The following DEPDC5 variants were observed in gnomAD, a reference collection of about 807,000 sequenced individuals.
DEPDC5 encodes the protein GATOR1 complex protein DEPDC5.
In DEPDC5, 73 loss-of-function variants were observed where a neutral mutation model predicts 217.3. The ratio of observed to expected loss-of-function variants is 0.34; its 90% CI spans 0.28 to 0.41. The LOEUF is 0.41. DEPDC5 is among the 10% of genes least tolerant of loss of function. The probability of loss-of-function intolerance (pLI) is 1.00; values close to 1 mark genes in which losing one functional copy is unlikely to be tolerated. For missense variants in DEPDC5, 1,675 were observed against 2,070.1 expected (o/e 0.81, Z 3.70); for synonymous variants, 733 against 756.7 (o/e 0.97, Z 0.51).
intron 39 of DEPDC5, among the ~76,000 whole-genome samples, chr22:31,897,018 CAGGT>C (rs2093564848): frequency 6.6e-6 from 1 of 151,864 alleles, no homozygotes; most frequent in Non-Finnish European, 1.5e-5. Context: ...TTGGGAGTCT[CAGGT>C]GGGAGAATTG....
intron 31 of DEPDC5, among the ~76,000 whole-genome samples, chr22:31,851,386 G>T (rs577710569): frequency 3.3e-5 from 5 of 152,316 alleles, no homozygotes; most frequent in African/African-American, 1.2e-4. Flanking sequence ...TTTACATGGG[G>T]GTGGGTGAGA....
At chr22:31,784,340 C>T in intron 9 of DEPDC5, 1 of 205,870 alleles carries the variant, frequency 4.9e-6, no homozygotes, top group Non-Finnish European at 9.7e-6. Context: ...TTAAGATGTA[C>T]AAAACAGGCC....
chr22:31,802,370 TC>T (rs1015157566), intron 14 of DEPDC5, among the ~76,000 whole-genome samples: 14 of 152,196 alleles, frequency 9.2e-5, no homozygotes, highest in Middle Eastern at 3.4e-3. Flanking sequence ...TTTCAAGTGA[TC>T]CGCCTGCTTT....
intron 20 of DEPDC5, among the ~76,000 whole-genome samples, chr22:31,812,816 C>T (rs1438868339): frequency 1.3e-5 from 2 of 149,772 alleles, no homozygotes; most frequent in African/African-American, 4.9e-5. Flanking sequence ...TCTCAGCTCA[C>T]CACAACCTCC....
intron 28 of DEPDC5, 65 bp downstream of exon 28, chr22:31,843,277 G>A (rs1289690761): frequency 1.4e-6 from 2 of 1,477,022 alleles, no homozygotes; most frequent in African/African-American, 2.8e-5. Context: ...ACTAAATTGT[G>A]TGTATAGTAC....
intron 24 of DEPDC5, among the ~76,000 whole-genome samples, chr22:31,825,108 G>A (rs113684213): frequency 1.2e-4 from 19 of 152,214 alleles, no homozygotes; most frequent in African/African-American, 4.3e-4. Flanking sequence ...CGCCGAGGAG[G>A]GCTACTCTGG....
At chr22:31,843,018 C>G in intron 27 of DEPDC5, 77 bp from the exon 28 acceptor site, 1 of 1,057,036 alleles carries the variant, frequency 9.5e-7, no homozygotes, top group Non-Finnish European at 1.4e-6. Context: ...TTTTCTGAAT[C>G]TATATGGATG....
At chr22:31,884,788 G>A (rs994357465) in intron 38 of DEPDC5, among the ~76,000 whole-genome samples, 2 of 152,134 alleles carry the variant, frequency 1.3e-5, no homozygotes, top group African/African-American at 4.8e-5. Flanking sequence ...TAGAGGACTG[G>A]ATGTACAGTG....
Position 31,857,474 on chromosome 22 carries a change from A to G in DEPDC5, c.3185A>G (p.His1062Arg). The change falls in exon 32 of 43, where the codon CAT becomes CGT. Residue 1062 changes from histidine to arginine, a missense_variant. This residue lies in a region of DEPDC5 where 126 missense variants were observed against 113.8 expected (regional missense o/e 1.11). Coordinates refer to ENST00000651528, the MANE Select transcript of DEPDC5 (RefSeq NM_001242896.3). ...KCLGEQQAAV[H>R]GGKSSAQSAE... is the part of the protein sequence containing the mutation. ...CTGGGAGAACAGCAGGCAGCTGTGC[A>G]TGGTGGGAAGAGCTCCGCCCAGTCA... The G allele has an allele frequency of 1.2e-6, 2 of 1,610,910 alleles. No individual in the cohort carries two copies. The highest frequency in any genetic ancestry group is 1.7e-6 in the Non-Finnish European group (2 of 1,178,744).
intron 18 of DEPDC5, 130 bp downstream of exon 18, chr22:31,806,321 C>A: frequency 1.4e-6 from 1 of 736,736 alleles, no homozygotes; most frequent in Non-Finnish European, 2.2e-6. Context: ...GCCATTCTGC[C>A]CAGCCAAGAA....
intron 31 of DEPDC5, among the ~76,000 whole-genome samples, chr22:31,850,740 T>C (rs1157460941): frequency 1.3e-5 from 2 of 152,034 alleles, no homozygotes; most frequent in East Asian, 3.9e-4. Flanking sequence ...AGTGAGACCC[T>C]ATCTCAAAAA....
chr22:31,783,995 C>G lies in DEPDC5; in HGVS notation c.562+10C>G. The G allele has an allele frequency of 1.2e-6, 2 of 1,609,262 alleles. No individual in the cohort carries two copies. Among genetic ancestry groups the G allele is most frequent in the Non-Finnish European group, 1.7e-6 (2 of 1,177,874 alleles). ...GATTTTGATATTTATGGTACTGTGTCTATGTGCTGATTGTAACTGCTAAGG... is the reference window on the plus strand; with the variant it reads ...GATTTTGATATTTATGGTACTGTGTGTATGTGCTGATTGTAACTGCTAAGG... On this transcript the variant is annotated intron_variant, in intron 9 of 42. Coordinates refer to ENST00000651528, the MANE Select transcript of DEPDC5 (RefSeq NM_001242896.3).
intron 36 of DEPDC5, chr22:31,875,145 T>C (rs2092954859): frequency 6.0e-6 from 1 of 166,584 alleles, no homozygotes; most frequent in Non-Finnish European, 1.5e-5. Flanking sequence ...ATGGAAATGT[T>C]AAAATTGATA....
In DEPDC5 at chr22:31,794,740, G is replaced by C. The variant is rs531651125; in HGVS notation, c.767+1923G>C. On this transcript the variant is annotated intron_variant, in intron 12 of 42. Coordinates refer to ENST00000651528, the MANE Select transcript of DEPDC5 (RefSeq NM_001242896.3). ...CTCTACAAAAAAATACCATAACTTA[G>C]CTGGGTGCAGTGGTGCGCGCCTGTA... Among the ~76,000 whole-genome samples the C allele has an allele frequency of 3.9e-5, 6 of 152,212 alleles. No homozygotes were observed. In the East Asian group the frequency reaches 1.2e-3, roughly 29 times the overall value.
At chr22:31,772,301 A>G (rs1165783266) in intron 7 of DEPDC5, among the ~76,000 whole-genome samples, 1 of 152,170 alleles carries the variant, frequency 6.6e-6, no homozygotes. Context: ...ACAACCCAAG[A>G]AGTGACTAAA....
intron 31 of DEPDC5, among the ~76,000 whole-genome samples, chr22:31,853,720 G>A (rs915668563): frequency 1.2e-4 from 18 of 152,158 alleles, no homozygotes; most frequent in African/African-American, 4.3e-4. Context: ...TCTTAGCTTT[G>A]TGCTGATTAA....
At chr22:31,813,724 A>G (rs980643937) in intron 20 of DEPDC5, among the ~76,000 whole-genome samples, 2 of 151,692 alleles carry the variant, frequency 1.3e-5, no homozygotes, top group African/African-American at 4.8e-5. Flanking sequence ...TTTATTAGGA[A>G]ATGTTCAGAC....
At position 31,768,808 on chromosome 22, in the gene DEPDC5, T is replaced by C. The variant is rs2083056313; in HGVS notation, c.364-6T>C. 2 of 1,546,444 alleles carry C rather than the reference T, an allele frequency of 1.3e-6. No homozygotes were observed. The highest frequency in any genetic ancestry group is 2.7e-5 in the African/African-American group (2 of 72,848). ...TCTCTCTACCCCTCTCTCCCCCTCCTCTTAGGTCAGCACATGTGCCTATAT... is the reference window on the plus strand; with the variant it reads ...TCTCTCTACCCCTCTCTCCCCCTCCCCTTAGGTCAGCACATGTGCCTATAT... On this transcript the variant is annotated splice_polypyrimidine_tract_variant and splice_region_variant and intron_variant, in intron 6 of 42. Coordinates refer to ENST00000651528, the MANE Select transcript of DEPDC5 (RefSeq NM_001242896.3).
At chr22:31,799,878 C>T (rs1010979920) in intron 14 of DEPDC5, among the ~76,000 whole-genome samples, 36 of 146,034 alleles carry the variant, frequency 2.5e-4, no homozygotes, top group African/African-American at 8.7e-4. Flanking sequence ...CATGATCTCC[C>T]TGCTCAGTGC....
Sources: gnomAD v4.1 joint callset for allele counts (sites outside exome capture counted in the v4.1 genomes callset) on GRCh38, gnomAD v4.1.1 for gene constraint, gnomAD v4.1.1 regional missense constraint, MANE v1.5 for transcripts, NCBI Gene and HGNC (gene_info 2026-07-23, HGNC 2026-07-21) for gene names.